The following DGKZ variants were observed in gnomAD, a reference collection of about 807,000 sequenced individuals.
DGKZ encodes diacylglycerol kinase zeta.
In DGKZ, 45 loss-of-function variants were observed where a neutral mutation model predicts 142.5. The observed-to-expected ratio is 0.32, with a 90% CI of 0.25 to 0.40. The LOEUF is 0.40. Ranked by LOEUF, DGKZ falls within the 10% of genes least tolerant of loss-of-function variation. DGKZ has a pLI of 1.00. For missense variants in DGKZ, 755 were observed against 1,306.5 expected, an observed-to-expected ratio of 0.58 and a Z score of 6.51; for synonymous variants, 442 against 527.0, an observed-to-expected ratio of 0.84 and a Z score of 2.21.
At chr11:46,376,468 AGGACCT>A in intron 23 of DGKZ, 50 bp from the exon 24 acceptor site, 1 of 1,613,804 alleles carries the variant, frequency 6.2e-7, no homozygotes, top group African/African-American at 1.3e-5. Context: ...GGGGCAGCAG[AGGACCT>A]GGGCCTGGAC....
At chr11:46,333,621 C>CT (rs1169587999) in intron 1 of DGKZ, 5 of 830,738 alleles carry the variant, frequency 6.0e-6, no homozygotes, top group South Asian at 1.6e-5. Context: ...CGAGGGATCT[C>CT]TGTCTTTTCG....
intron 1 of DGKZ, among the ~76,000 whole-genome samples, chr11:46,337,633 G>C (rs1345894836): frequency 6.6e-6 from 1 of 152,056 alleles, no homozygotes; most frequent in African/African-American, 2.4e-5. Flanking sequence ...TAGAGGTCTT[G>C]CTACAGGTGT....
Position 46,378,788 on chromosome 11 carries a change from C to T in DGKZ, c.2419-203C>T. On this transcript the variant is annotated intron_variant, in intron 27 of 30. Coordinates refer to ENST00000527911, the Ensembl canonical transcript of DGKZ. ...CTCCAGGGCTTGGTCACCAGTGCTG[C>T]CAGAGAGCCCACAGGCTGTGGGGTG... 3.1e-6 allele frequency: 3 copies of T among 960,720 alleles called. No homozygotes were observed. The South Asian group carries it at 4.3e-5, about 14-fold the overall frequency. The allele number at this position is 960,720 out of a possible 1,614,324, so 59.5% of individuals were successfully genotyped here.
At chr11:46,371,592 C>A (rs559413622) in exon 8 of DGKZ, 52 of 1,610,270 alleles carry the variant, frequency 3.2e-5, no homozygotes, top group Non-Finnish European at 4.4e-5. Flanking sequence ...CCTCCGCGCC[C>A]GGAGGCCCCA....
chr11:46,371,880 T>A, intron 9 of DGKZ, 105 bp downstream of exon 9: 1 of 1,402,332 alleles, frequency 7.1e-7, no homozygotes, highest in Non-Finnish European at 9.9e-7. Context: ...CTGGTGGGGG[T>A]CTGTGTGGGC....
At chr11:46,340,957 T>TG (rs1207845053) in intron 1 of DGKZ, among the ~76,000 whole-genome samples, 1 of 152,234 alleles carries the variant, frequency 6.6e-6, no homozygotes, top group Non-Finnish European at 1.5e-5. Flanking sequence ...GAGACCAGCC[T>TG]GGGCAACATG....
intron 1 of DGKZ, chr11:46,366,532 C>G: frequency 6.3e-7 from 1 of 1,597,208 alleles, no homozygotes; most frequent in Non-Finnish European, 8.5e-7. Context: ...ATAAGGTGCT[C>G]ACTCCACAGC....
chr11:46,333,572 C>A, intron 1 of DGKZ: 1 of 1,255,456 alleles, frequency 8.0e-7, no homozygotes, highest in South Asian at 1.3e-5. Flanking sequence ...TATTGTGCGC[C>A]CGCCGCCTGC....
At chr11:46,366,827 CGG>C (rs940108231) in intron 1 of DGKZ, 1 of 1,545,162 alleles carries the variant, frequency 6.5e-7, no homozygotes, top group African/African-American at 1.4e-5. Context: ...CAGCCAGCGG[CGG>C]CCCTCAGGCC....
Position 46,368,128 on chromosome 11 carries a change from G to A in DGKZ, c.444+49G>A, listed in dbSNP as rs780853980. 33 of 1,587,176 alleles carry A rather than the reference G, an allele frequency of 2.1e-5. No homozygotes were observed. The East Asian group carries it at 6.0e-4, about 29-fold the overall frequency. On this transcript the variant is annotated intron_variant, in intron 4 of 30. Transcript: ENST00000527911. ...CCGCCCCTGCCCTTTGGGTGCTGAGGCCCTTTCAGCGCGCACTCACACCCA... is the reference window on the plus strand; with the variant it reads ...CCGCCCCTGCCCTTTGGGTGCTGAGACCCTTTCAGCGCGCACTCACACCCA...
chr11:46,342,278 C>G (rs1940317498), intron 1 of DGKZ, among the ~76,000 whole-genome samples: 1 of 152,184 alleles, frequency 6.6e-6, no homozygotes, highest in Non-Finnish European at 1.5e-5. Context: ...CTCCCCACCC[C>G]ACCTGGAAAG....
chr11:46,378,556 G>T (rs756669819), intron 27 of DGKZ, 56 bp downstream of exon 27: 4 of 1,609,836 alleles, frequency 2.5e-6, no homozygotes, highest in South Asian at 2.2e-5. Flanking sequence ...GCCCTGGGGA[G>T]CGAGGCCTCT....
At chr11:46,369,416 T>C (rs1359512011) in intron 4 of DGKZ, 78 bp from the exon 5 acceptor site, 1 of 1,558,476 alleles carries the variant, frequency 6.4e-7, no homozygotes, top group East Asian at 2.2e-5. Flanking sequence ...GACTCTGGGT[T>C]GTCCTGGAGG....
rs187415567 is a variant in DGKZ, at chr11:46,350,758, C to T, written c.161+2938C>T. Among the ~76,000 whole-genome samples, 389 of 152,282 alleles carry T rather than the reference C, an allele frequency of 2.6e-3. 2 individuals carry two copies. Among genetic ancestry groups the T allele is most frequent in the African/African-American group, 8.8e-3 (367 of 41,542 alleles). On this transcript the variant is annotated intron_variant, in intron 1 of 30. Coordinates refer to ENST00000527911, the Ensembl canonical transcript of DGKZ. ...TAGGACAGTCTCTGAATGGCAGCCC[C>T]TGTGGGGCTGAAAGAGGCTTTTCCT...
Position 46,367,165 on chromosome 11 carries a change from G to C in DGKZ, c.162-126G>C. The C allele has an allele frequency of 8.0e-7, 1 of 1,249,092 alleles. No individual in the cohort carries two copies. Among genetic ancestry groups the C allele is most frequent in the Non-Finnish European group, 1.1e-6 (1 of 874,946 alleles). 77.4% of individuals were successfully genotyped at this position (1,249,092 alleles called of 1,614,324 possible). On this transcript the variant is annotated intron_variant, in intron 1 of 30. Coordinates refer to ENST00000527911, the Ensembl canonical transcript of DGKZ. This position sits in a 1 kb window ranked among gnomAD's most constrained non-coding sequence, Gnocchi z 4.1. Reference sequence around the variant, plus strand: ...TGCAGGGAGCCTCTTAGTGTCTGGGGCTGCTGGGAGGCTCCTCCGCCCTCC... The same window carrying C: ...TGCAGGGAGCCTCTTAGTGTCTGGGCCTGCTGGGAGGCTCCTCCGCCCTCC...
intron 1 of DGKZ, among the ~76,000 whole-genome samples, chr11:46,340,284 T>C (rs1187279705): frequency 6.6e-6 from 1 of 152,154 alleles, no homozygotes; most frequent in African/African-American, 2.4e-5. Context: ...GGCTGAAAGG[T>C]AGCTATGCAA....
At chr11:46,340,491 G>C (rs1036043487) in intron 1 of DGKZ, among the ~76,000 whole-genome samples, 1 of 152,192 alleles carries the variant, frequency 6.6e-6, no homozygotes, top group African/African-American at 2.4e-5. Flanking sequence ...AGGTGCCAAA[G>C]GACAGCTTTC....
At chr11:46,370,433 T>C (rs1943816113) in intron 6 of DGKZ, among the ~76,000 whole-genome samples, 1 of 152,214 alleles carries the variant, frequency 6.6e-6, no homozygotes, top group Admixed American at 6.5e-5. Flanking sequence ...ACTTTCTTGT[T>C]TGCTTCTTGC....
chr11:46,362,868 A>G (rs1334915441), intron 1 of DGKZ, among the ~76,000 whole-genome samples: 2 of 152,128 alleles, frequency 1.3e-5, no homozygotes, highest in East Asian at 3.9e-4. Flanking sequence ...GCACGGCCAG[A>G]CACCAATGGT....
Sources: allele counts gnomAD v4.1 joint callset (sites outside exome capture counted in the v4.1 genomes callset), GRCh38; gene constraint gnomAD v4.1.1; non-coding constraint Gnocchi (gnomAD v3.1); transcripts MANE v1.5; gene names NCBI Gene and HGNC (gene_info 2026-07-23, HGNC 2026-07-21).